WDR59: variants seen among roughly 807,000 people sequenced by gnomAD.
The protein encoded by WDR59 is WD repeat domain 59, also known as GATOR2 complex protein WDR59.
In WDR59, 100 loss-of-function variants were observed where a neutral mutation model predicts 131.2. The ratio of observed to expected loss-of-function variants is 0.76; its 90% CI spans 0.65 to 0.90. The LOEUF (loss-of-function observed/expected upper bound fraction) is 0.90. WDR59 is among the 40% of genes least tolerant of loss of function. WDR59 has a pLI of 0.00. For missense variants in WDR59, 1,203 were observed against 1,262.2 expected, an observed-to-expected ratio of 0.95 and a Z score of 0.71; for synonymous variants, 601 against 466.2, an observed-to-expected ratio of 1.29 and a Z score of -3.72.
intron 25 of WDR59, among the ~76,000 whole-genome samples, chr16:74,879,496 G>C (rs897668874): frequency 2.0e-4 from 31 of 152,208 alleles, no homozygotes; most frequent in Non-Finnish European, 4.4e-5. Context: ...GATGGGTAGA[G>C]AATCCAAGAC....
intron 6 of WDR59, among the ~76,000 whole-genome samples, chr16:74,945,964 T>C (rs112105048): frequency 2.0e-5 from 3 of 151,848 alleles, no homozygotes; most frequent in South Asian, 2.1e-4. Context: ...ATTACAGGCA[T>C]GCACCACCAC....
At chr16:74,978,785 TA>T (rs1214745784) in intron 1 of WDR59, among the ~76,000 whole-genome samples, 1 of 151,702 alleles carries the variant, frequency 6.6e-6, no homozygotes, top group African/African-American at 2.4e-5. Flanking sequence ...ATATGGAAGA[TA>T]AAATGGAAGA....
At chr16:74,960,340 A>G (rs527599019) in intron 2 of WDR59, among the ~76,000 whole-genome samples, 89 of 152,062 alleles carry the variant, frequency 5.9e-4, no homozygotes, top group African/African-American at 2.1e-3. Flanking sequence ...AAAAAAAAGA[A>G]AGAAGCTAAA....
intron 3 of WDR59, 147 bp from the exon 4 acceptor site, chr16:74,951,690 G>T (rs1178365258): frequency 2.9e-6 from 2 of 690,172 alleles, no homozygotes; most frequent in Non-Finnish European, 5.1e-6. Flanking sequence ...AAGCCATCAG[G>T]AATAAGTACA....
At chr16:74,965,257 C>T (rs1441085751) in intron 2 of WDR59, among the ~76,000 whole-genome samples, 1 of 105,806 alleles carries the variant, frequency 9.5e-6, no homozygotes, top group Non-Finnish European at 1.8e-5. Flanking sequence ...AGAGATGGCC[C>T]TTAATTGCCA....
chr16:74,958,951 C>T (rs945389954), intron 2 of WDR59, among the ~76,000 whole-genome samples: 2 of 152,034 alleles, frequency 1.3e-5, no homozygotes, highest in Admixed American at 1.3e-4. Context: ...CCCAGCTACT[C>T]AGGAGACCAA....
chr16:74,886,177 C>CAAAAAAAAAAAAAAAAAAAAAAAA lies in WDR59; in HGVS notation c.2546+92_2546+93insTTTTTTTTTTTTTTTTTTTTTTTT, dbSNP rs777732079. The CAAAAAAAAAAAAAAAAAAAAAAAA allele has an allele frequency of 1.8e-4, 181 of 1,018,716 alleles. 4 individuals carry two copies. The African/African-American group carries it at 3.1e-3, about 18-fold the overall frequency. The allele number at this position is 1,018,716 out of a possible 1,614,324, so 63.1% of individuals were successfully genotyped here. A position where few individuals can be genotyped will look rare whatever the true frequency, so the allele number is the denominator to read the frequency against. ...TAGTGACCGGGTAAGATTCTGTGTCCAAAAAAAAAAAAAGTAAGAGTTGTG... is the reference window on the plus strand; with the variant it reads ...TAGTGACCGGGTAAGATTCTGTGTCCAAAAAAAAAAAAAAAAAAAAAAAAAAAAAAAAAAAAAGTAAGAGTTGTG... On this transcript the variant is annotated intron_variant, in intron 24 of 25. Transcript: ENST00000262144.
At chr16:74,964,333 C>T (rs942309952) in intron 2 of WDR59, among the ~76,000 whole-genome samples, 11 of 150,586 alleles carry the variant, frequency 7.3e-5, no homozygotes, top group Non-Finnish European at 1.3e-4. Context: ...GAGCCGAGAT[C>T]GTGCCACTGC....
At chr16:74,980,357 T>TC (rs1491199875) in intron 1 of WDR59, among the ~76,000 whole-genome samples, 1 of 120,878 alleles carries the variant, frequency 8.3e-6, no homozygotes, top group African/African-American at 2.9e-5. Flanking sequence ...AATCTAAGTC[T>TC]TTTTTTTTTT....
At chr16:74,938,318 G>T in intron 7 of WDR59, 52 bp from the exon 8 acceptor site, 2 of 1,278,690 alleles carry the variant, frequency 1.6e-6, no homozygotes, top group Non-Finnish European at 1.0e-6. Context: ...CTCTTTGAGT[G>T]TCTATCACGT....
chr16:74,946,370 G>C (rs1046197628), intron 6 of WDR59, among the ~76,000 whole-genome samples: 1 of 152,114 alleles, frequency 6.6e-6, no homozygotes, highest in Non-Finnish European at 1.5e-5. Flanking sequence ...CCTTGGATCA[G>C]GCACAAATGC....
At chr16:74,893,631 A>T (rs1965149424) in intron 19 of WDR59, 48 bp downstream of exon 19, 2 of 1,539,692 alleles carry the variant, frequency 1.3e-6, no homozygotes, top group Admixed American at 1.9e-5. Context: ...AAGTTTTGCT[A>T]ATCCTGGCTA....
At chr16:74,886,155 T>C (rs1964747771) in intron 24 of WDR59, 115 bp downstream of exon 24, 2 of 1,334,410 alleles carry the variant, frequency 1.5e-6, no homozygotes, top group South Asian at 2.9e-5. Flanking sequence ...TCCAACCTAG[T>C]GACCGGGTAA....
intron 25 of WDR59, among the ~76,000 whole-genome samples, chr16:74,878,201 T>C (rs1326685869): frequency 6.6e-6 from 1 of 152,214 alleles, no homozygotes; most frequent in African/African-American, 2.4e-5. Context: ...ATAGGGAAGT[T>C]CAACCTCCCT....
chr16:74,886,198 T>C (rs1356657578), intron 24 of WDR59, 72 bp downstream of exon 24: 9 of 1,032,916 alleles, frequency 8.7e-6, no homozygotes, highest in Non-Finnish European at 1.2e-5. Context: ...AAAGTAAGAG[T>C]TGTGATTGTG....
intron 13 of WDR59, among the ~76,000 whole-genome samples, chr16:74,913,551 A>C (rs570880463): frequency 6.6e-6 from 1 of 152,062 alleles, no homozygotes; most frequent in African/African-American, 2.4e-5. Flanking sequence ...TTGGCCTCCT[A>C]AAGTGCTGGG....
chr16:74,906,729 T>C (rs1965838444), intron 17 of WDR59, among the ~76,000 whole-genome samples: 1 of 152,148 alleles, frequency 6.6e-6, no homozygotes, highest in African/African-American at 2.4e-5. Context: ...TTGAGCAAAG[T>C]AAGCCAGACA....
chr16:74,892,605 G>A (rs575515355), intron 19 of WDR59, 40 bp from the exon 20 acceptor site: 4 of 1,520,084 alleles, frequency 2.6e-6, no homozygotes, highest in African/African-American at 1.4e-5. Context: ...TCTTTCTAGT[G>A]TAACTTCCCA....
intron 22 of WDR59, 103 bp from the exon 23 acceptor site, chr16:74,887,858 C>G: frequency 4.2e-6 from 5 of 1,203,358 alleles, no homozygotes; most frequent in Non-Finnish European, 6.0e-6. Context: ...TGGCTCATGC[C>G]TGTAATCCTA....
Sources: allele counts gnomAD v4.1 joint callset (sites outside exome capture counted in the v4.1 genomes callset), GRCh38; gene constraint gnomAD v4.1.1; transcripts MANE v1.5; gene names NCBI Gene and HGNC (gene_info 2026-07-23, HGNC 2026-07-21).